SETX: variants seen among roughly 807,000 people sequenced by gnomAD.
SETX encodes the protein senataxin.
SETX carries 90 observed loss-of-function variants against 227.2 expected under a neutral mutation model. The ratio of observed to expected loss-of-function variants is 0.40; its 90% CI spans 0.33 to 0.47. SETX has a LOEUF of 0.47. Among genes scored for constraint, SETX ranks in the 20% least tolerant of loss-of-function variants. The pLI is 0.91. For missense variants in SETX, 3,052 were observed against 3,181.5 expected (o/e 0.96, Z 0.98); for synonymous variants, 1,210 against 1,113.2 (o/e 1.09, Z -1.73).
At chr9:132,292,625 ATTTTT>A (rs529367112) in intron 15 of SETX, among the ~76,000 whole-genome samples, 2 of 125,228 alleles carry the variant, frequency 1.6e-5, no homozygotes, top group Admixed American at 8.1e-5. Flanking sequence ...TTCCCAACTC[ATTTTT>A]TTTTTTTTTT....
intron 25 of SETX, among the ~76,000 whole-genome samples, chr9:132,267,706 T>G (rs1842714493): frequency 6.6e-6 from 1 of 152,242 alleles, no homozygotes; most frequent in African/African-American, 2.4e-5. Flanking sequence ...GTCAGTGGTC[T>G]GCACAGTTGT....
At chr9:132,276,509 G>A (rs541544751) in intron 22 of SETX, among the ~76,000 whole-genome samples, 49 of 152,186 alleles carry the variant, frequency 3.2e-4, no homozygotes, top group Non-Finnish European at 5.0e-4. Context: ...ACTTGTATCC[G>A]TGCCAACAAA....
chr9:132,331,139 C>T lies in SETX; in HGVS notation c.1011G>A (p.Arg337=). The part of the protein sequence containing the change: ...EIRHIRNSSV[R]TKLEPESYLD... ...AATAGGACTCCGGTTCTAACTTGGT[C>T]CTTAAATATTAAGAATAAATAGAAA... Residue 337 remains arginine (R), a splice_region_variant and synonymous_variant, in exon 9 of 26, where the codon AGG becomes AGA. Transcript: ENST00000224140. The T allele has an allele frequency of 6.2e-7, 1 of 1,612,598 alleles. No homozygotes were observed. The highest frequency in any genetic ancestry group is 8.5e-7 in the Non-Finnish European group (1 of 1,178,894).
chr9:132,315,775 T>C (rs1407643427), intron 10 of SETX, among the ~76,000 whole-genome samples: 3 of 152,144 alleles, frequency 2.0e-5, no homozygotes, highest in Non-Finnish European at 2.9e-5. Context: ...CTAATCCAAA[T>C]CTCCGGTTCG....
At chr9:132,302,169 A>G (rs575390065) in intron 11 of SETX, among the ~76,000 whole-genome samples, 1 of 151,790 alleles carries the variant, frequency 6.6e-6, no homozygotes, top group East Asian at 1.9e-4. Flanking sequence ...CATCCTGGCC[A>G]ACACGGTGAA....
At chr9:132,340,107 C>T (rs767690391) in intron 5 of SETX, among the ~76,000 whole-genome samples, 1 of 152,042 alleles carries the variant, frequency 6.6e-6, no homozygotes, top group African/African-American at 2.4e-5. Flanking sequence ...CTTGGCTGTA[C>T]CCACTGTATT....
intron 23 of SETX, among the ~76,000 whole-genome samples, chr9:132,272,811 C>A (rs1589613260): frequency 6.6e-6 from 1 of 152,308 alleles, no homozygotes; most frequent in East Asian, 1.9e-4. Context: ...TAGCATGTAA[C>A]AGAACTTCAT....
chr9:132,290,359 G>A (rs960998854), intron 15 of SETX, among the ~76,000 whole-genome samples: 2 of 151,498 alleles, frequency 1.3e-5, no homozygotes, highest in South Asian at 2.1e-4. Context: ...GGTGGATCAC[G>A]AGGTCAGGGG....
In SETX at chr9:132,327,447, G is replaced by A. The variant is rs765068903; in HGVS notation, c.4151C>T (p.Ser1384Phe). 58 of 1,614,148 alleles carry A rather than the reference G, an allele frequency of 3.6e-5. 2 individuals carry two copies. The South Asian group carries it at 6.4e-4, about 18-fold the overall frequency. ...ATCAGATTCTGGTACAAATATGTCA[G>A]AATTCTGTGCTGTATGTGACCCTGC... ...KRAGSHTAQN[S>F]DIFVPESDRS... The change falls in exon 10 of 26, where the codon TCT (serine) becomes TTT (phenylalanine). Residue 1384 changes from serine (S) to phenylalanine (F), a missense_variant. Coordinates refer to ENST00000224140, the MANE Select transcript of SETX (RefSeq NM_015046.7).
At chr9:132,268,556 G>A (rs1019961007) in intron 25 of SETX, among the ~76,000 whole-genome samples, 4 of 123,422 alleles carry the variant, frequency 3.2e-5, no homozygotes, top group African/African-American at 9.1e-5. Context: ...TAACTTAAAG[G>A]CTTTTAATTC....
At chr9:132,277,391 CATAAT>C (rs1209010191) in intron 21 of SETX, among the ~76,000 whole-genome samples, 1 of 152,062 alleles carries the variant, frequency 6.6e-6, no homozygotes, top group East Asian at 1.9e-4. Context: ...GAAAGACACT[CATAAT>C]AGAGTAAGCC....
Position 132,327,190 on chromosome 9 carries a change from G to A in SETX, c.4408C>T (p.Pro1470Ser). ...TSEDPLGGGD[P>S]TARHIEMAAL... The stretch of plus-strand genomic sequence containing the variant: ...GCCATCTCTATATGACGTGCTGTTG[G>A]ATCACCTCCACCCAGAGGGTCTTCT... Residue 1470 changes from proline (P) to serine (S), a missense_variant, in exon 10 of 26, where the codon CCA becomes TCA. Around this residue, in one of 10 missense-constraint regions of SETX, gnomAD observed 1,483 missense variants for 1,312.0 expected, o/e 1.13. Coordinates refer to ENST00000224140, the MANE Select transcript of SETX (RefSeq NM_015046.7). 6.2e-7 allele frequency: 1 copy of A among 1,614,140 alleles called. No individual in the cohort carries two copies. The highest frequency in any genetic ancestry group is 8.5e-7 in the Non-Finnish European group (1 of 1,180,030).
chr9:132,316,492 C>T (rs770918054), intron 10 of SETX, among the ~76,000 whole-genome samples: 15 of 152,134 alleles, frequency 9.9e-5, no homozygotes, highest in African/African-American at 1.2e-4. Context: ...GTGGCTAATG[C>T]TTTTTATGTT....
chr9:132,283,647 C>T (rs2131215374), intron 18 of SETX, among the ~76,000 whole-genome samples: 1 of 152,258 alleles, frequency 6.6e-6, no homozygotes, highest in East Asian at 1.9e-4. Context: ...GATTTAAGCA[C>T]ATTAAAAATT....
intron 9 of SETX, 30 bp from the exon 10 acceptor site, chr9:132,330,529 T>A (rs1847155752): frequency 6.3e-7 from 1 of 1,585,740 alleles, no homozygotes; most frequent in Non-Finnish European, 8.6e-7. Context: ...GATGTTCAGA[T>A]AAATAAGCAC....
chr9:132,294,448 A>T (rs1844543362), intron 15 of SETX, among the ~76,000 whole-genome samples: 1 of 152,278 alleles, frequency 6.6e-6, no homozygotes, highest in Admixed American at 6.5e-5. Context: ...AGCTATTCAC[A>T]AAATCAATCT....
chr9:132,267,349 A>G (rs1842696191), intron 25 of SETX, among the ~76,000 whole-genome samples: 1 of 152,222 alleles, frequency 6.6e-6, no homozygotes, highest in Non-Finnish European at 1.5e-5. Context: ...GCTCAAACAC[A>G]TATGTGAAGC....
chr9:132,354,715 A>T (rs1848811533), intron 1 of SETX, among the ~76,000 whole-genome samples: 1 of 151,950 alleles, frequency 6.6e-6, no homozygotes, highest in Non-Finnish European at 1.5e-5. Context: ...GCGCGCAGGA[A>T]GGCAACAGGC....
chr9:132,335,479 AAT>A (rs1491577665), intron 6 of SETX, among the ~76,000 whole-genome samples: 113 of 68,224 alleles, frequency 1.7e-3, no homozygotes, highest in African/African-American at 5.7e-3. Context: ...AGGAAAATTT[AAT>A]TTTTTTTTTT....
Sources: allele counts gnomAD v4.1 joint callset (sites outside exome capture counted in the v4.1 genomes callset), GRCh38; gene constraint gnomAD v4.1.1; regional missense constraint gnomAD v4.1.1; transcripts MANE v1.5; gene names NCBI Gene and HGNC (gene_info 2026-07-23, HGNC 2026-07-21).